The following DACH1 variants were observed in gnomAD, a reference collection of about 807,000 sequenced individuals.
DACH1 encodes the protein dachshund homolog 1.
Under a neutral mutation model 54.2 loss-of-function variants are expected in DACH1, and 12 were observed. That is an observed-to-expected ratio of 0.22 (90% CI 0.14 to 0.36). DACH1 has a LOEUF of 0.36. Ranked by LOEUF, DACH1 falls within the 10% of genes least tolerant of loss-of-function variation. DACH1 has a pLI of 1.00. For missense variants in DACH1, 805 were observed against 929.8 expected, an observed-to-expected ratio of 0.87 and a Z score of 1.75; for synonymous variants, 386 against 366.2, an observed-to-expected ratio of 1.05 and a Z score of -0.62.
intron 4 of DACH1, among the ~76,000 whole-genome samples, chr13:71,562,848 A>G (rs577358418): frequency 3.3e-5 from 5 of 152,156 alleles, no homozygotes; most frequent in African/African-American, 1.2e-4. Context: ...TCAAAAGACA[A>G]TCTTGGCTTG....
At position 71,866,942 on chromosome 13, in the gene DACH1, A is replaced by C; in HGVS notation, c.-173T>G. 1 of 498,722 alleles carries C rather than the reference A, an allele frequency of 2.0e-6. No individual in the cohort carries two copies. Among genetic ancestry groups the C allele is most frequent in the Non-Finnish European group, 3.2e-6 (1 of 316,332 alleles). 30.9% of individuals were successfully genotyped at this position (498,722 alleles called of 1,614,324 possible). ...AGGGGGAGAAAAGGAGGTGAAGGTA[A>C]TAAAGAGCGAGCGCAAGAGGGGCGA... On this transcript the variant is annotated 5_prime_UTR_variant, in exon 1 of 11. Coordinates refer to ENST00000613252, the MANE Select transcript of DACH1 (RefSeq NM_080759.6).
intron 1 of DACH1, among the ~76,000 whole-genome samples, chr13:71,693,296 C>CTTTTTTTTTTTTTTTTTTTTTTTT (rs869289138): frequency 2.2e-5 from 2 of 90,962 alleles, no homozygotes; most frequent in Non-Finnish European, 4.0e-5. Flanking sequence ...ATTTGTTTTG[C>CTTTTTTTTTTTTTTTTTTTTTTTT]TTTTTTTTTT....
intron 2 of DACH1, among the ~76,000 whole-genome samples, chr13:71,663,218 G>A (rs562602557): frequency 1.6e-4 from 24 of 150,946 alleles, no homozygotes; most frequent in African/African-American, 4.4e-4. Flanking sequence ...AAAGTAGATG[G>A]AGGAGTTAAA....
intron 1 of DACH1, among the ~76,000 whole-genome samples, chr13:71,682,622 C>T (rs1438312899): frequency 6.6e-6 from 1 of 152,086 alleles, no homozygotes; most frequent in Non-Finnish European, 1.5e-5. Context: ...CCACTAAGTT[C>T]CCTTACTTTT....
At chr13:71,506,800 T>C (rs1220955811) in intron 6 of DACH1, among the ~76,000 whole-genome samples, 1 of 151,748 alleles carries the variant, frequency 6.6e-6, no homozygotes, top group African/African-American at 2.4e-5. Flanking sequence ...AAACAAGCAA[T>C]GGGGAAAGGA....
intron 1 of DACH1, among the ~76,000 whole-genome samples, chr13:71,700,764 G>T (rs1882096480): frequency 6.6e-6 from 1 of 152,026 alleles, no homozygotes; most frequent in Non-Finnish European, 1.5e-5. Flanking sequence ...TACCTCCCAT[G>T]GAGTTAGGGT....
intron 1 of DACH1, among the ~76,000 whole-genome samples, chr13:71,703,426 G>C (rs866717628): frequency 4.2e-4 from 64 of 152,172 alleles, no homozygotes; most frequent in African/African-American, 1.5e-3. Flanking sequence ...TGGGTCAGCA[G>C]ACCATAGCAG....
At chr13:71,744,758 A>G (rs966736) in intron 1 of DACH1, among the ~76,000 whole-genome samples, 106,472 of 152,124 alleles carry the variant, frequency 0.7, 41,290 homozygotes, top group Non-Finnish European at 0.89. Flanking sequence ...ATGAGAATCC[A>G]TACAAAAAGG....
chr13:71,624,019 T>A (rs1028345064), intron 3 of DACH1, among the ~76,000 whole-genome samples: 1 of 151,930 alleles, frequency 6.6e-6, no homozygotes, highest in Non-Finnish European at 1.5e-5. Context: ...ACAACATTCC[T>A]AATCATTGTC....
intron 1 of DACH1, among the ~76,000 whole-genome samples, chr13:71,724,910 T>C (rs1040257366): frequency 6.6e-6 from 1 of 152,134 alleles, no homozygotes; most frequent in Non-Finnish European, 1.5e-5. Context: ...TATGTTATAA[T>C]GAATGTCAAT....
At chr13:71,755,157 C>T (rs1332502073) in intron 1 of DACH1, among the ~76,000 whole-genome samples, 1 of 152,116 alleles carries the variant, frequency 6.6e-6, no homozygotes, top group African/African-American at 2.4e-5. Context: ...TATCTCCCCA[C>T]CTTTAGTAGC....
intron 7 of DACH1, among the ~76,000 whole-genome samples, chr13:71,481,040 C>T (rs1476585382): frequency 6.6e-6 from 1 of 152,134 alleles, no homozygotes; most frequent in African/African-American, 2.4e-5. Context: ...GCTTCTTCTT[C>T]GTCAGGAACA....
chr13:71,489,726 T>C (rs1878832272), intron 6 of DACH1, among the ~76,000 whole-genome samples: 1 of 152,140 alleles, frequency 6.6e-6, no homozygotes, highest in African/African-American at 2.4e-5. Flanking sequence ...TCATCATCAT[T>C]AAAATTAAAG....
At chr13:71,542,276 T>C (rs1883184502) in intron 6 of DACH1, among the ~76,000 whole-genome samples, 1 of 151,712 alleles carries the variant, frequency 6.6e-6, no homozygotes, top group Non-Finnish European at 1.5e-5. Context: ...CATACATAGA[T>C]ACATACATAC....
At chr13:71,532,840 G>A (rs1044695613) in intron 6 of DACH1, among the ~76,000 whole-genome samples, 17 of 151,878 alleles carry the variant, frequency 1.1e-4, no homozygotes, top group Admixed American at 7.9e-4. Context: ...TTCACTGTTA[G>A]TTTTATTTTT....
Position 71,587,615 on chromosome 13 carries a change from AT to A in DACH1, c.1127-14604del, listed in dbSNP as rs202043715. ...GACATTTTCTGTGATTTTTTATGAT[AT>A]TTCAAGTAATTACCAAATCATGTTT... On this transcript the variant is annotated intron_variant, in intron 3 of 10. Coordinates refer to ENST00000613252, the MANE Select transcript of DACH1 (RefSeq NM_080759.6). Among the ~76,000 whole-genome samples, 1,318 of 152,158 alleles carry A rather than the reference AT, an allele frequency of 8.7e-3. 24 individuals carry two copies. The highest frequency in any genetic ancestry group is 0.029 in the African/African-American group (1,212 of 41,536).
At chr13:71,625,115 CT>C (rs200384976) in intron 3 of DACH1, among the ~76,000 whole-genome samples, 14 of 151,446 alleles carry the variant, frequency 9.2e-5, no homozygotes, top group African/African-American at 9.7e-5. Context: ...TCTTTTTAAA[CT>C]TTTTTTTTAT....
intron 1 of DACH1, among the ~76,000 whole-genome samples, chr13:71,863,579 G>A (rs1364099283): frequency 6.6e-6 from 1 of 152,098 alleles, no homozygotes; most frequent in Non-Finnish European, 1.5e-5. Context: ...TCTTGGCTCT[G>A]CAAGTTTAAA....
chr13:71,846,108 G>C (rs1227895417), intron 1 of DACH1: 1 of 172,206 alleles, frequency 5.8e-6, no homozygotes, highest in Non-Finnish European at 1.3e-5. Flanking sequence ...AAACTGAATT[G>C]TATTTGGGCA....
Sources: allele counts gnomAD v4.1 joint callset (sites outside exome capture counted in the v4.1 genomes callset), GRCh38; gene constraint gnomAD v4.1.1; transcripts MANE v1.5; gene names NCBI Gene and HGNC (gene_info 2026-07-23, HGNC 2026-07-21).